Variants in MSH3 observed in about 807,000 individuals in gnomAD.
MSH3 encodes mutS homolog 3.
MSH3 carries 106 observed loss-of-function variants against 123.3 expected under a neutral mutation model. The observed-to-expected ratio is 0.86, with a 90% CI of 0.73 to 1.01. The LOEUF is 1.01. MSH3 is among the 50% of genes least tolerant of loss of function. The probability of loss-of-function intolerance (pLI) is 0.00; values close to 1 mark genes in which losing one functional copy is unlikely to be tolerated. For synonymous variants in MSH3, 515 were observed against 481.4 expected, an observed-to-expected ratio of 1.07 and a Z score of -0.91; for missense variants, 1,459 against 1,347.6, an observed-to-expected ratio of 1.08 and a Z score of -1.29.
intron 10 of MSH3, among the ~76,000 whole-genome samples, chr5:80,739,681 A>G (rs1743577057): frequency 6.6e-6 from 1 of 152,178 alleles, no homozygotes; most frequent in African/African-American, 2.4e-5. Flanking sequence ...TCATTAACAG[A>G]TTATCGTTCT....
chr5:80,837,750 A>ATT (rs1473687443), intron 20 of MSH3, among the ~76,000 whole-genome samples: 2 of 152,200 alleles, frequency 1.3e-5, no homozygotes, highest in Non-Finnish European at 2.9e-5. Flanking sequence ...ACACACATTT[A>ATT]TTATATCAAC....
chr5:80,773,584 A>T (rs896399942), intron 15 of MSH3, among the ~76,000 whole-genome samples: 4 of 152,212 alleles, frequency 2.6e-5, no homozygotes, highest in Non-Finnish European at 4.4e-5. Context: ...AACCATGTTG[A>T]TACTGTTATT....
intron 8 of MSH3, among the ~76,000 whole-genome samples, chr5:80,716,864 T>A (rs1487534225): frequency 6.6e-6 from 1 of 152,194 alleles, no homozygotes; most frequent in Non-Finnish European, 1.5e-5. Context: ...TTAACCAGCT[T>A]CTCATTACCT....
In MSH3 at chr5:80,778,719, G is replaced by A. The variant is rs866260675; in HGVS notation, c.2319-1G>A. ...TATTTGTGTTCTTTCCCCTCTTCTA[G>A]CACAAAAGCTGTGAGCCGCTTTCAC... On this transcript the variant is annotated splice_acceptor_variant, in intron 16 of 23. Transcript: ENST00000265081. LOFTEE classifies it high-confidence loss of function. The A allele has an allele frequency of 6.4e-6, 10 of 1,570,732 alleles. No homozygotes were observed. Among genetic ancestry groups the A allele is most frequent in the Admixed American group, 1.7e-5 (1 of 59,966 alleles).
intron 8 of MSH3, among the ~76,000 whole-genome samples, chr5:80,692,333 T>G (rs1330138612): frequency 1.3e-5 from 1 of 74,610 alleles, no homozygotes; most frequent in African/African-American, 6.8e-5. Context: ...TTTAGATAGA[T>G]AGATAAACAT....
At chr5:80,856,603 A>G (rs1401941433) in intron 21 of MSH3, among the ~76,000 whole-genome samples, 6 of 151,588 alleles carry the variant, frequency 4.0e-5, no homozygotes, top group Non-Finnish European at 7.4e-5. Context: ...CTAATGTTAA[A>G]TGACGAGTTA....
intron 19 of MSH3, among the ~76,000 whole-genome samples, chr5:80,809,841 G>C (rs1561485517): frequency 6.6e-6 from 1 of 152,084 alleles, no homozygotes; most frequent in Non-Finnish European, 1.5e-5. Flanking sequence ...ACATAAATGT[G>C]TTTGTAAGGA....
chr5:80,820,342 T>G (rs1732541365), intron 20 of MSH3, among the ~76,000 whole-genome samples: 1 of 152,214 alleles, frequency 6.6e-6, no homozygotes. Flanking sequence ...CAGCAATCTT[T>G]TAGTAATAAA....
At chr5:80,742,862 C>A (rs909712806) in intron 11 of MSH3, among the ~76,000 whole-genome samples, 4 of 152,150 alleles carry the variant, frequency 2.6e-5, no homozygotes, top group African/African-American at 4.8e-5. Flanking sequence ...GTAAGCGTTC[C>A]CTGCTTCTGC....
intron 17 of MSH3, among the ~76,000 whole-genome samples, chr5:80,781,640 A>C (rs1281996249): frequency 1.3e-5 from 2 of 151,840 alleles, no homozygotes; most frequent in Admixed American, 1.3e-4. Context: ...CTAATTTTTA[A>C]GTGTTTTTGT....
chr5:80,770,253 G>A (rs1454613356), intron 15 of MSH3, among the ~76,000 whole-genome samples: 1 of 150,424 alleles, frequency 6.6e-6, no homozygotes, highest in African/African-American at 2.4e-5. Context: ...TAGAAAAGTG[G>A]CTGCCTTTTC....
rs192592067 is a variant in MSH3 at position 80,792,844 on chromosome 5, A to G, written c.2655A>G (p.Ser885=). ...ATGTCCCAAATAATACAGATTTATCAGTAAGTACCTTATGCCAAAAAATAA... is the reference window on the plus strand; with the variant it reads ...ATGTCCCAAATAATACAGATTTATCGGTAAGTACCTTATGCCAAAAAATAA... ...DQYVPNNTDL[S]EDSERVMIIT... is the part of the protein sequence containing the mutation. Residue 885 remains serine, a splice_region_variant and synonymous_variant, in exon 19 of 24, where the codon TCA becomes TCG. Coordinates refer to ENST00000265081, the MANE Select transcript of MSH3 (RefSeq NM_002439.5). 2.6e-5 allele frequency: 41 copies of G among 1,583,280 alleles called. No individual in the cohort carries two copies. In the East Asian group the frequency reaches 2.9e-4, roughly 11 times the overall value.
intron 8 of MSH3, among the ~76,000 whole-genome samples, chr5:80,709,017 TA>T (rs1479944547): frequency 6.6e-6 from 1 of 152,106 alleles, no homozygotes; most frequent in Non-Finnish European, 1.5e-5. Flanking sequence ...TCAACTGATC[TA>T]CCCTCCTTGG....
intron 8 of MSH3, among the ~76,000 whole-genome samples, chr5:80,695,087 G>GTT (rs57947652): frequency 3.5e-5 from 4 of 115,306 alleles, no homozygotes; most frequent in African/African-American, 9.5e-5. Flanking sequence ...TTTTTTTGTT[G>GTT]TTTTTTTTTT....
At chr5:80,771,576 G>A (rs1744214136) in intron 15 of MSH3, among the ~76,000 whole-genome samples, 1 of 152,060 alleles carries the variant, frequency 6.6e-6, no homozygotes. Flanking sequence ...TCTGAGAAGT[G>A]AGGGAGGCAG....
intron 8 of MSH3, among the ~76,000 whole-genome samples, chr5:80,725,243 A>G (rs1743260769): frequency 6.6e-6 from 1 of 151,660 alleles, no homozygotes; most frequent in East Asian, 1.9e-4. Context: ...AGATAATAAA[A>G]AAATTAAAAA....
chr5:80,769,287 T>C (rs889931486), intron 15 of MSH3, among the ~76,000 whole-genome samples: 1 of 152,086 alleles, frequency 6.6e-6, no homozygotes, highest in African/African-American at 2.4e-5. Flanking sequence ...TAACAACTTA[T>C]AGAATTCATT....
rs142875134 is a variant in MSH3 at position 80,731,223 on chromosome 5, C to T, written c.1568+2258C>T. ...CGGCCTGTCTTCCTCATATTTAATT[C>T]GAAATAAGAATAATACCAAACAATA... is the stretch of plus-strand genomic sequence containing the variant. On this transcript the variant is annotated intron_variant, in intron 10 of 23. Transcript: ENST00000265081. Among the ~76,000 whole-genome samples the T allele has an allele frequency of 2.8e-4, 43 of 151,780 alleles. 1 individual carries two copies. The highest frequency in any genetic ancestry group is 8.9e-4 in the African/African-American group (37 of 41,396).
At chr5:80,799,500 C>CTTT (rs746348952) in intron 19 of MSH3, among the ~76,000 whole-genome samples, 2,820 of 32,294 alleles carry the variant, frequency 0.087, 550 homozygotes, top group African/African-American at 0.096. Flanking sequence ...GAAGATAGCA[C>CTTT]TTTTTTTTTT....
Sources: allele counts gnomAD v4.1 joint callset (sites outside exome capture counted in the v4.1 genomes callset), GRCh38; gene constraint gnomAD v4.1.1; transcripts MANE v1.5; gene names NCBI Gene and HGNC (gene_info 2026-07-23, HGNC 2026-07-21).